Variants in PIK3R3 observed in about 807,000 individuals in gnomAD.
The protein encoded by PIK3R3 is phosphoinositide-3-kinase regulatory subunit 3.
PIK3R3 carries 64 observed loss-of-function variants against 62.9 expected under a neutral mutation model. The ratio of observed to expected loss-of-function variants is 1.02; its 90% CI spans 0.83 to 1.25. PIK3R3 has a LOEUF of 1.25. PIK3R3 is among the 50% of genes most tolerant of loss of function. The pLI is 0.00. For synonymous variants in PIK3R3, 165 were observed against 189.0 expected (o/e 0.87, Z 1.04); for missense variants, 614 against 561.6 (o/e 1.09, Z -0.94).
chr1:46,128,191 T>C lies in PIK3R3; in HGVS notation c.106+3656A>G, dbSNP rs572406493. 3.9e-5 allele frequency among the ~76,000 whole-genome samples: 6 copies of C among 152,216 alleles called. No individual in the cohort carries two copies. The East Asian group carries it at 9.6e-4, about 24-fold the overall frequency. The stretch of plus-strand genomic sequence containing the variant: ...GGCTCACGTCTGTAATCCCAACACA[T>C]TGGGAGTCCGAGGTGGGCAGATCAC... On this transcript the variant is annotated intron_variant, in intron 1 of 9. Coordinates refer to ENST00000262741, the MANE Select transcript of PIK3R3 (RefSeq NM_003629.4).
chr1:46,104,756 C>T (rs1486604499), intron 1 of PIK3R3, among the ~76,000 whole-genome samples: 2 of 151,702 alleles, frequency 1.3e-5, no homozygotes, highest in East Asian at 3.9e-4. Flanking sequence ...TGGAGAAACC[C>T]TGTCTCTACT....
At chr1:46,085,767 G>A (rs1650992873) in intron 1 of PIK3R3, among the ~76,000 whole-genome samples, 1 of 152,222 alleles carries the variant, frequency 6.6e-6, no homozygotes. Flanking sequence ...GCACTGCAAT[G>A]CTGAGTGATA....
chr1:46,092,931 C>T (rs1271390660), intron 1 of PIK3R3, among the ~76,000 whole-genome samples: 1 of 152,152 alleles, frequency 6.6e-6, no homozygotes, highest in African/African-American at 2.4e-5. Context: ...TTTTACTGCT[C>T]TCTCTCTCGG....
chr1:46,129,084 A>G (rs928488706), intron 1 of PIK3R3, among the ~76,000 whole-genome samples: 7 of 152,200 alleles, frequency 4.6e-5, no homozygotes, highest in Non-Finnish European at 5.9e-5. Flanking sequence ...AAAAAAAAAA[A>G]AAGAAGAAGA....
the PIK3R3 span, among the ~76,000 whole-genome samples, chr1:46,145,824 T>C: frequency 1.3e-5 from 2 of 152,284 alleles, no homozygotes; most frequent in Admixed American, 6.5e-5. Flanking sequence ...ATGCTCTCCT[T>C]AGGAGAACAG....
In PIK3R3 at chr1:46,077,523, C is replaced by A. The variant is rs1177915634; in HGVS notation, c.306G>T (p.Leu102Phe). 6.2e-7 allele frequency: 1 copy of A among 1,600,014 alleles called. No homozygotes were observed. Among genetic ancestry groups the A allele is most frequent in the South Asian group, 1.1e-5 (1 of 90,700 alleles). Residue 102 changes from leucine (L) to phenylalanine (F), a missense_variant, in exon 3 of 10, where the codon TTG (leucine) becomes TTT (phenylalanine). Transcript: ENST00000262741. ...ASTKMQGDYT[L>F]TLRKGGNNKL... is the part of the protein sequence containing the mutation. ...GACTGAAAAGTACTTACCGCAAAGT[C>A]AAAGTATAATCTCCCTGCATTTTTG...
chr1:46,047,754 T>C (rs975775633), intron 7 of PIK3R3, among the ~76,000 whole-genome samples: 3 of 147,246 alleles, frequency 2.0e-5, no homozygotes, highest in Non-Finnish European at 4.6e-5. Flanking sequence ...TAAAATCCAT[T>C]ATTTTATATT....
the PIK3R3 span, among the ~76,000 whole-genome samples, chr1:46,138,519 G>A: frequency 6.6e-6 from 1 of 152,170 alleles, no homozygotes; most frequent in Admixed American, 6.5e-5. Flanking sequence ...AATCAGCTAG[G>A]TGTGGTGGTG....
chr1:46,067,275 T>TAA (rs1183254949), intron 3 of PIK3R3, among the ~76,000 whole-genome samples, 184 bp from the exon 4 acceptor site: 3 of 147,800 alleles, frequency 2.0e-5, no homozygotes, highest in Non-Finnish European at 4.5e-5. Context: ...TATATATATA[T>TAA]ATAATTCATT....
At chr1:46,048,435 A>G (rs1025907248) in intron 7 of PIK3R3, 3 of 152,224 alleles carry the variant, frequency 2.0e-5, no homozygotes, top group South Asian at 4.1e-4. Flanking sequence ...TGATCTTGAT[A>G]CAACTGATTT....
chr1:46,069,396 G>T (rs1649293196), intron 3 of PIK3R3, among the ~76,000 whole-genome samples: 1 of 151,924 alleles, frequency 6.6e-6, no homozygotes, highest in South Asian at 2.1e-4. Flanking sequence ...GAGGGCACCT[G>T]TAATCCCAGC....
Position 46,132,479 on chromosome 1 carries a change from G to A in PIK3R3, c.-527C>T, listed in dbSNP as rs1557643980. On this transcript the variant is annotated 5_prime_UTR_variant, in exon 1 of 10. Transcript: ENST00000262741. ...GCGAATCCCCCAGAGGCCGGGACTC[G>A]GGCTCCTCTCCGGTCGGTCTCGGAA... 8.3e-7 allele frequency: 1 copy of A among 1,201,614 alleles called. No homozygotes were observed. The highest frequency in any genetic ancestry group is 1.1e-6 in the Non-Finnish European group (1 of 947,032). 74.4% of individuals were successfully genotyped at this position (1,201,614 alleles called of 1,614,324 possible).
At chr1:46,154,466 G>A in the PIK3R3 span, among the ~76,000 whole-genome samples, 1 of 152,192 alleles carries the variant, frequency 6.6e-6, no homozygotes, top group Non-Finnish European at 1.5e-5. Context: ...CTACTTGGGA[G>A]GCTGAGGTGG....
At chr1:46,163,622 C>A in the PIK3R3 span, among the ~76,000 whole-genome samples, 3 of 152,182 alleles carry the variant, frequency 2.0e-5, no homozygotes, top group South Asian at 6.2e-4. Context: ...AGGAAGCTTT[C>A]CCTGTCTCCT....
intron 1 of PIK3R3, among the ~76,000 whole-genome samples, chr1:46,098,008 C>A (rs1085244): frequency 0.45 from 67,848 of 151,494 alleles, 15,324 homozygotes; most frequent in East Asian, 0.62. Context: ...ATAAGAAATA[C>A]TCAAAAAACT....
chr1:46,071,399 G>T (rs971763684), intron 3 of PIK3R3, among the ~76,000 whole-genome samples: 1 of 151,912 alleles, frequency 6.6e-6, no homozygotes, highest in African/African-American at 2.4e-5. Context: ...TTCTGGAGCA[G>T]CTAGAAGTCA....
intron 2 of PIK3R3, among the ~76,000 whole-genome samples, chr1:46,078,681 T>A (rs983705481): frequency 6.6e-6 from 1 of 152,188 alleles, no homozygotes; most frequent in South Asian, 2.1e-4. Context: ...CTCAGATATG[T>A]GTGCACCAAT....
intron 1 of PIK3R3, among the ~76,000 whole-genome samples, chr1:46,081,510 T>A (rs1195957307): frequency 6.6e-6 from 1 of 152,114 alleles, no homozygotes; most frequent in Non-Finnish European, 1.5e-5. Context: ...ATGTGAGGGA[T>A]CGAGGTTGTG....
Position 46,041,334 on chromosome 1 carries a change from G to C in PIK3R3, c.*2339C>G, listed in dbSNP as rs1553141306. ...CTGTCAAACCTCTCAAATGACCCCTGGGTCTTAGATCCCACAAAACAATGA... is the reference window on the plus strand; with the variant it reads ...CTGTCAAACCTCTCAAATGACCCCTCGGTCTTAGATCCCACAAAACAATGA... On this transcript the variant is annotated 3_prime_UTR_variant, in exon 10 of 10. Coordinates refer to ENST00000262741, the MANE Select transcript of PIK3R3 (RefSeq NM_003629.4). 1 of 163,922 alleles carries C rather than the reference G, an allele frequency of 6.1e-6. No homozygotes were observed. The highest frequency in any genetic ancestry group is 1.3e-5 in the Non-Finnish European group (1 of 74,652). The allele number at this position is 163,922 out of a possible 1,614,324, so 10.2% of individuals were successfully genotyped here. A position where few individuals can be genotyped will look rare whatever the true frequency, so the allele number is the denominator to read the frequency against.
Sources: gnomAD v4.1 joint callset for allele counts (sites outside exome capture counted in the v4.1 genomes callset) on GRCh38, gnomAD v4.1.1 for gene constraint, MANE v1.5 for transcripts, NCBI Gene and HGNC (gene_info 2026-07-23, HGNC 2026-07-21) for gene names.